Variants in WDPCP observed in about 807,000 individuals in gnomAD.
WDPCP encodes the protein WD repeat containing planar cell polarity effector, also known as WD repeat-containing and planar cell polarity effector protein fritz homolog.
A neutral mutation model predicts 93.1 loss-of-function variants in WDPCP; 71 were observed. The observed-to-expected ratio is 0.76, with a 90% confidence interval of 0.63 to 0.93. The LOEUF is 0.93. Among genes scored for constraint, WDPCP ranks in the 40% least tolerant of loss-of-function variants. WDPCP has a pLI of 0.00. For synonymous variants in WDPCP, 315 were observed against 315.0 expected (o/e 1.00, Z 0.00); for missense variants, 844 against 887.4 (o/e 0.95, Z 0.62).
At chr2:63,689,252 T>C (rs1322795851) in intron 2 of WDPCP, among the ~76,000 whole-genome samples, 1 of 152,170 alleles carries the variant, frequency 6.6e-6, no homozygotes, top group Non-Finnish European at 1.5e-5. Flanking sequence ...ATCCAGGGTA[T>C]TGTCAGCAAC....
intron 2 of WDPCP, among the ~76,000 whole-genome samples, chr2:63,768,807 T>G (rs577990030): frequency 3.3e-5 from 5 of 152,132 alleles, no homozygotes; most frequent in Admixed American, 1.3e-4. Flanking sequence ...AATTAGACTC[T>G]TGCAAACCCA....
intron 2 of WDPCP, among the ~76,000 whole-genome samples, chr2:63,795,268 G>C (rs1670597076): frequency 6.6e-6 from 1 of 152,172 alleles, no homozygotes; most frequent in Non-Finnish European, 1.5e-5. Flanking sequence ...TTCACGCTGA[G>C]AGGATGGTCA....
chr2:63,445,970 C>T (rs765326716), intron 6 of WDPCP, among the ~76,000 whole-genome samples: 4 of 152,108 alleles, frequency 2.6e-5, no homozygotes, highest in Non-Finnish European at 5.9e-5. Flanking sequence ...AAAGGTAAAG[C>T]AATTAATCAA....
At chr2:63,490,697 C>G (rs1700826087) in intron 2 of WDPCP, among the ~76,000 whole-genome samples, 1 of 152,114 alleles carries the variant, frequency 6.6e-6, no homozygotes, top group Non-Finnish European at 1.5e-5. Context: ...AAACCATTCA[C>G]TGACTCAGAA....
intron 14 of WDPCP, among the ~76,000 whole-genome samples, chr2:63,188,561 T>G (rs934375403): frequency 6.6e-6 from 1 of 151,990 alleles, no homozygotes; most frequent in Non-Finnish European, 1.5e-5. Context: ...CTTGAACTCC[T>G]GAGCTCAAGC....
chr2:63,611,089 C>T (rs890792883), intron 3 of WDPCP, among the ~76,000 whole-genome samples: 2 of 152,104 alleles, frequency 1.3e-5, no homozygotes, highest in African/African-American at 4.8e-5. Context: ...CAGTGCAAGA[C>T]CCTGTCTCAA....
intron 2 of WDPCP, among the ~76,000 whole-genome samples, chr2:63,707,297 C>T (rs1280489044): frequency 6.6e-6 from 1 of 152,154 alleles, no homozygotes; most frequent in Non-Finnish European, 1.5e-5. Context: ...TTCACATAGT[C>T]CCATATTTCT....
intron 12 of WDPCP, among the ~76,000 whole-genome samples, chr2:63,371,199 G>T (rs1007250509): frequency 1.3e-5 from 2 of 152,118 alleles, no homozygotes; most frequent in African/African-American, 4.8e-5. Context: ...AACACTTGAA[G>T]TCATGCTTGA....
intron 14 of WDPCP, among the ~76,000 whole-genome samples, chr2:63,191,643 CTA>C (rs375447943): frequency 4.6e-5 from 7 of 152,258 alleles, no homozygotes; most frequent in African/African-American, 1.7e-4. Context: ...CCATTAAACT[CTA>C]TTATTTCTAT....
intron 12 of WDPCP, among the ~76,000 whole-genome samples, chr2:63,348,767 T>C (rs1689366765): frequency 6.6e-6 from 1 of 152,062 alleles, no homozygotes; most frequent in Non-Finnish European, 1.5e-5. Flanking sequence ...GCAAGTATAT[T>C]TAAAAAATAA....
At chr2:63,402,518 T>G (rs1414357165) in intron 10 of WDPCP, among the ~76,000 whole-genome samples, 1 of 152,128 alleles carries the variant, frequency 6.6e-6, no homozygotes, top group Non-Finnish European at 1.5e-5. Context: ...GCAAAGGACA[T>G]GAACAGACAC....
intron 14 of WDPCP, among the ~76,000 whole-genome samples, chr2:63,243,661 A>C (rs909457623): frequency 3.9e-5 from 6 of 152,148 alleles, no homozygotes; most frequent in Non-Finnish European, 5.9e-5. Context: ...AGACTTAACT[A>C]TCCTAAATGT....
intron 12 of WDPCP, among the ~76,000 whole-genome samples, chr2:63,363,909 CCTGTGCCTTAGTCCCAGCTG>C (rs1335006714): frequency 6.6e-6 from 1 of 152,076 alleles, no homozygotes; most frequent in Non-Finnish European, 1.5e-5. Flanking sequence ...GGCACAGTGT[CCTGTGCCTTAGTCCCAGCTG>C]CTCTGGAGGC....
At chr2:63,479,022 T>C (rs1423358986) in intron 6 of WDPCP, among the ~76,000 whole-genome samples, 1 of 142,016 alleles carries the variant, frequency 7.0e-6, no homozygotes, top group Admixed American at 6.9e-5. Flanking sequence ...ACCACAGAAA[T>C]ACAAAAAAAA....
intron 2 of WDPCP, among the ~76,000 whole-genome samples, chr2:63,725,458 T>G (rs1452523254): frequency 6.6e-6 from 1 of 152,230 alleles, no homozygotes; most frequent in Non-Finnish European, 1.5e-5. Context: ...GATGGGCATT[T>G]AGGTTGATTC....
intron 14 of WDPCP, among the ~76,000 whole-genome samples, chr2:63,245,198 A>G (rs1371487557): frequency 1.3e-5 from 2 of 152,168 alleles, no homozygotes; most frequent in Non-Finnish European, 2.9e-5. Context: ...GGTTAATAAA[A>G]TGGCACAAGT....
chr2:63,291,817 A>AAAAG (rs1391881390), intron 13 of WDPCP, among the ~76,000 whole-genome samples: 5 of 151,166 alleles, frequency 3.3e-5, no homozygotes, highest in African/African-American at 4.9e-5. Context: ...ACAAAAAAAA[A>AAAAG]AAAAGAAAAG....
chr2:63,593,951 G>A (rs771678627), intron 3 of WDPCP, among the ~76,000 whole-genome samples: 1 of 152,154 alleles, frequency 6.6e-6, no homozygotes, highest in Non-Finnish European at 1.5e-5. Context: ...GTTGTCAGCT[G>A]TCTGTCACTA....
chr2:63,753,274 A>G (rs1669910032), intron 2 of WDPCP, among the ~76,000 whole-genome samples: 1 of 151,966 alleles, frequency 6.6e-6, no homozygotes, highest in Non-Finnish European at 1.5e-5. Context: ...TTACAAAAAT[A>G]CAAAATTAGC....
Sources: gnomAD v4.1 joint callset for allele counts (sites outside exome capture counted in the v4.1 genomes callset) on GRCh38, gnomAD v4.1.1 for gene constraint, MANE v1.5 for transcripts, NCBI Gene and HGNC (gene_info 2026-07-23, HGNC 2026-07-21) for gene names.